Variants in NEB observed in about 807,000 individuals in gnomAD.
NEB encodes the protein nebulin.
In NEB, 512 loss-of-function variants were observed where a neutral mutation model predicts 952.2. That is an observed-to-expected ratio of 0.54 (90% confidence interval 0.50 to 0.58). NEB has a LOEUF of 0.58. NEB is among the 20% of genes least tolerant of loss of function. The pLI is 0.00. For missense variants in NEB, 8,428 were observed against 9,231.1 expected (o/e 0.91, Z 3.56); for synonymous variants, 2,900 against 3,149.8 (o/e 0.92, Z 2.66).
Position 151,662,312 on chromosome 2 carries a change from G to T in NEB, c.5793C>A (p.Phe1931Leu), listed in dbSNP as rs954136703. 1 of 1,613,472 alleles carries T rather than the reference G, an allele frequency of 6.2e-7. No individual in the cohort carries two copies. The highest frequency in any genetic ancestry group is 8.5e-7 in the Non-Finnish European group (1 of 1,179,594). ...GAGGGAGCCATCCAATGCCCTTCAT[G>T]AAGTCAGCATAGTCAGCCTTGTACT... ...DNQYKADYAD[F>L]MKGIGWLPLG... Residue 1931 changes from phenylalanine to leucine, a missense_variant, in exon 46 of 182, where the codon TTC becomes TTA. Physicochemically the swap from Phe to Leu is conservative, Grantham distance 22. This residue lies in a region of NEB where 2,851 missense variants were observed against 2,791.5 expected (regional missense o/e 1.02). Coordinates refer to ENST00000397345, the MANE Select transcript of NEB (RefSeq NM_001164508.2).
rs1227597329 is a variant in NEB, at chr2:151,612,218, G to A, written c.11773C>T (p.Leu3925=). The change falls in exon 78 of 182, where the codon CTA becomes TTA. Residue 3925 remains leucine (L), a synonymous_variant. Coordinates refer to ENST00000397345, the MANE Select transcript of NEB (RefSeq NM_001164508.2). ...TCITDTPEIV[L]AKNNALTMSK... is the part of the protein sequence containing the mutation. ...ATTGTCAGGGCATTATTCTTTGCTA[G>A]GACAATTTCCGGAGTGTCGGTAATG... The A allele has an allele frequency of 4.3e-6, 7 of 1,613,704 alleles. No individual in the cohort carries two copies. The highest frequency in any genetic ancestry group is 5.9e-6 in the Non-Finnish European group (7 of 1,179,812).
chr2:151,681,906 A>G (rs1232896179), intron 29 of NEB, among the ~76,000 whole-genome samples: 3 of 152,196 alleles, frequency 2.0e-5, no homozygotes, highest in Non-Finnish European at 1.5e-5. Context: ...CATAATCACA[A>G]AAAAATAGAA....
intron 142 of NEB, among the ~76,000 whole-genome samples, chr2:151,534,490 T>G (rs892071304): frequency 5.3e-5 from 8 of 152,200 alleles, no homozygotes; most frequent in Admixed American, 5.2e-4. Context: ...GGAGGAAGAT[T>G]ACCTGAAGAA....
At chr2:151,716,083 A>C (rs1559558611) in intron 10 of NEB, 1 of 407,328 alleles carries the variant, frequency 2.5e-6, no homozygotes, top group Non-Finnish European at 4.8e-6. Flanking sequence ...TTCCAAAAAG[A>C]TAAATTGTCC....
At position 151,618,446 on chromosome 2, in the gene NEB, T is replaced by C. The variant is rs1206850879; in HGVS notation, c.10905A>G (p.Lys3635=). The stretch of plus-strand genomic sequence containing the variant: ...AATCAATCGGAACCCAGCCAATGCC[T>C]TTCATCCATTCAAGGTCTGACTTAT... The part of the protein sequence containing the change: ...NLYKSDLEWM[K]GIGWVPIDSL... The change falls in exon 74 of 182, where the codon AAA becomes AAG. Residue 3635 remains lysine, a synonymous_variant. Coordinates refer to ENST00000397345, the MANE Select transcript of NEB (RefSeq NM_001164508.2). 6.2e-7 allele frequency: 1 copy of C among 1,613,900 alleles called. No homozygotes were observed. The highest frequency in any genetic ancestry group is 1.1e-5 in the South Asian group (1 of 91,080).
At chr2:151,493,986 A>C (rs2058476994) in intron 174 of NEB, 119 bp from the exon 175 acceptor site, 1 of 903,856 alleles carries the variant, frequency 1.1e-6, no homozygotes. Flanking sequence ...AACACCTCTC[A>C]AGAAGAAAGC....
At chr2:151,702,577 T>A (rs1212696606) in intron 13 of NEB, among the ~76,000 whole-genome samples, 1 of 151,770 alleles carries the variant, frequency 6.6e-6, no homozygotes, top group Non-Finnish European at 1.5e-5. Context: ...ATATTTAGGA[T>A]AGTTAGCTCT....
intron 77 of NEB, among the ~76,000 whole-genome samples, chr2:151,613,705 G>A (rs138954717): frequency 6.6e-6 from 1 of 152,080 alleles, no homozygotes; most frequent in African/African-American, 2.4e-5. Flanking sequence ...TGCTGTTCTT[G>A]TGATAGTGAG....
At chr2:151,516,394 T>C in intron 157 of NEB, 65 bp downstream of exon 157, 1 of 1,138,158 alleles carries the variant, frequency 8.8e-7, no homozygotes, top group Admixed American at 2.0e-5. Context: ...GGCCATGTCA[T>C]GGGCAGAGCT....
intron 165 of NEB, among the ~76,000 whole-genome samples, chr2:151,505,129 C>G (rs1418029814): frequency 1.3e-5 from 2 of 152,044 alleles, no homozygotes; most frequent in African/African-American, 4.8e-5. Flanking sequence ...TATGTATATG[C>G]TTTTAGTTAA....
intron 143 of NEB, chr2:151,532,221 CA>C (rs1265278301): frequency 4.4e-6 from 1 of 227,544 alleles, no homozygotes; most frequent in Non-Finnish European, 8.7e-6. Flanking sequence ...CTCAGCCTCC[CA>C]AGTTCCAATA....
At chr2:151,710,392 T>C (rs748500096) in intron 11 of NEB, 42 bp downstream of exon 11, 1 of 1,373,750 alleles carries the variant, frequency 7.3e-7, no homozygotes, top group Non-Finnish European at 1.0e-6. Flanking sequence ...GAAAGGGGTC[T>C]CCCTCCCAGG....
chr2:151,640,776 A>T, intron 60 of NEB, 110 bp from the exon 61 acceptor site: 1 of 1,008,762 alleles, frequency 9.9e-7, no homozygotes, highest in Non-Finnish European at 1.4e-6. Flanking sequence ...TGAATATGTA[A>T]ATTATATGAT....
Position 151,677,934 on chromosome 2 carries a change from T to C in NEB, c.3509A>G (p.Tyr1170Cys). 3 of 1,613,896 alleles carry C rather than the reference T, an allele frequency of 1.9e-6. No homozygotes were observed. The highest frequency in any genetic ancestry group is 2.5e-6 in the Non-Finnish European group (3 of 1,179,834). ...CTCCAGGTCCATGGCGTCAGGCAAG[T>C]AGGTGTAATGATGGAGAGAATGCTT... ...NYKHSLHHYT[Y>C]LPDAMDLELS... The change falls in exon 33 of 182, where the codon TAC becomes TGC. Residue 1170 changes from tyrosine (Y) to cysteine (C), a missense_variant. Coordinates refer to ENST00000397345, the MANE Select transcript of NEB (RefSeq NM_001164508.2).
chr2:151,485,826 C>T lies in NEB; in HGVS notation c.25512G>A (p.Met8504Ile), dbSNP rs1344137948. ...INVQAIDEGW[M>I]YGTVQRTGRT... ...TGCCAGTCCTCTGCACAGTGCCATA[C>T]ATCCAGCCTTCATCAATTGCTTGAA... The change falls in exon 182 of 182, where the codon ATG becomes ATA. Residue 8504 changes from methionine (M) to isoleucine (I), a missense_variant. Met to Ile is a conservative substitution (Grantham distance 10). This residue lies in a region of NEB where 3,374 missense variants were observed against 3,651.5 expected (regional missense o/e 0.92). Transcript: ENST00000397345. The T allele has an allele frequency of 2.5e-6, 4 of 1,614,138 alleles. No homozygotes were observed. Among genetic ancestry groups the T allele is most frequent in the Non-Finnish European group, 3.4e-6 (4 of 1,179,970 alleles).
intron 13 of NEB, among the ~76,000 whole-genome samples, chr2:151,702,993 G>C (rs1355624269): frequency 6.6e-6 from 1 of 152,030 alleles, no homozygotes; most frequent in Non-Finnish European, 1.5e-5. Flanking sequence ...TGCAGTGGCT[G>C]GTACCGGTTG....
At chr2:151,569,987 C>T (rs2096569785) in intron 109 of NEB, 94 bp downstream of exon 109, 12 of 1,257,542 alleles carry the variant, frequency 9.5e-6, no homozygotes, top group African/African-American at 3.0e-5. Context: ...GATATGAAGT[C>T]GTAAAATGAT....
At chr2:151,562,004 G>A in intron 121 of NEB, 106 bp downstream of exon 121, 1 of 837,768 alleles carries the variant, frequency 1.2e-6, no homozygotes, top group Non-Finnish European at 2.0e-6. Context: ...GTCAGTTAGA[G>A]CCTACACTGT....
chr2:151,536,262 A>C (rs1447664531), intron 141 of NEB, among the ~76,000 whole-genome samples: 1 of 152,246 alleles, frequency 6.6e-6, no homozygotes, highest in African/African-American at 2.4e-5. Context: ...TAAAGGGTAG[A>C]ACTGCCTAGA....
Sources: gnomAD v4.1 joint callset for allele counts (sites outside exome capture counted in the v4.1 genomes callset) on GRCh38, gnomAD v4.1.1 for gene constraint, gnomAD v4.1.1 regional missense constraint, MANE v1.5 for transcripts, NCBI Gene and HGNC (gene_info 2026-07-23, HGNC 2026-07-21) for gene names.